NRXN1: variants seen among roughly 807,000 people sequenced by gnomAD.
NRXN1 encodes the protein neurexin 1.
A neutral mutation model predicts 150.9 loss-of-function variants in NRXN1; 39 were observed. The observed-to-expected ratio is 0.26, with a 90% CI of 0.20 to 0.34. NRXN1 has a LOEUF of 0.34. Ranked by LOEUF, NRXN1 falls within the 10% of genes least tolerant of loss-of-function variation. The pLI, the probability that NRXN1 is intolerant of heterozygous loss-of-function variation, is 1.00. For synonymous variants in NRXN1, 924 were observed against 757.0 expected (o/e 1.22, Z -3.62); for missense variants, 1,815 against 1,949.9 (o/e 0.93, Z 1.30).
intron 22 of NRXN1, among the ~76,000 whole-genome samples, chr2:49,939,282 A>G (rs1558542117): frequency 1.3e-5 from 2 of 152,254 alleles, no homozygotes; most frequent in East Asian, 3.9e-4. Context: ...AAAAATTATG[A>G]AAAAAATGTT....
chr2:50,402,936 A>C (rs961249481), intron 17 of NRXN1, among the ~76,000 whole-genome samples: 5 of 152,204 alleles, frequency 3.3e-5, no homozygotes, highest in South Asian at 2.1e-4. Context: ...AATTACACAC[A>C]GTAAAGTGTA....
At chr2:50,493,219 T>C (rs1007619222) in intron 15 of NRXN1, among the ~76,000 whole-genome samples, 4 of 152,192 alleles carry the variant, frequency 2.6e-5, no homozygotes, top group Non-Finnish European at 5.9e-5. Flanking sequence ...AATACTGCTG[T>C]CCATGTCTGA....
intron 5 of NRXN1, among the ~76,000 whole-genome samples, chr2:50,692,308 A>G (rs1692195559): frequency 6.6e-6 from 1 of 151,962 alleles, no homozygotes; most frequent in Admixed American, 6.6e-5. Context: ...TTCCTTTTTT[A>G]TTTTCTAGTG....
chr2:50,237,305 A>G (rs984379157), intron 17 of NRXN1, among the ~76,000 whole-genome samples: 10 of 152,062 alleles, frequency 6.6e-5, no homozygotes, highest in Non-Finnish European at 1.2e-4. Flanking sequence ...GTTTAGTAGA[A>G]AACATTGACT....
chr2:50,941,407 T>C (rs1013340136), intron 2 of NRXN1, among the ~76,000 whole-genome samples: 3 of 152,128 alleles, frequency 2.0e-5, no homozygotes, highest in African/African-American at 7.2e-5. Context: ...GACAGGAAGA[T>C]ATGGGAAAGT....
chr2:49,978,342 T>A (rs892966731), intron 21 of NRXN1, among the ~76,000 whole-genome samples: 1 of 152,128 alleles, frequency 6.6e-6, no homozygotes, highest in Non-Finnish European at 1.5e-5. Context: ...CACCACAGCT[T>A]GCATGGGAGA....
At chr2:50,017,532 T>C (rs978140163) in intron 21 of NRXN1, among the ~76,000 whole-genome samples, 1 of 152,168 alleles carries the variant, frequency 6.6e-6, no homozygotes, top group Non-Finnish European at 1.5e-5. Flanking sequence ...AATTAAAGTG[T>C]AATAGTGAAA....
chr2:50,582,889 C>T (rs953498949), intron 8 of NRXN1, among the ~76,000 whole-genome samples: 1 of 152,124 alleles, frequency 6.6e-6, no homozygotes, highest in African/African-American at 2.4e-5. Context: ...ACAGCTGTCA[C>T]TCACTTGCAA....
intron 2 of NRXN1, among the ~76,000 whole-genome samples, chr2:51,025,666 T>C (rs1558608459): frequency 6.6e-6 from 1 of 152,206 alleles, no homozygotes; most frequent in Non-Finnish European, 1.5e-5. Context: ...TTTGTTTCTA[T>C]TAATCAGTGC....
chr2:50,513,710 A>C (rs1275720111), intron 12 of NRXN1, among the ~76,000 whole-genome samples: 2 of 152,146 alleles, frequency 1.3e-5, no homozygotes, highest in African/African-American at 2.4e-5. Context: ...AATAAAACAA[A>C]GCTGAGACCC....
At chr2:50,408,430 C>T (rs1199249153) in intron 17 of NRXN1, among the ~76,000 whole-genome samples, 1 of 152,124 alleles carries the variant, frequency 6.6e-6, no homozygotes, top group Non-Finnish European at 1.5e-5. Context: ...CAGTGTTTTC[C>T]CAAGGCTGCA....
At chr2:50,730,322 C>T (rs1697932191) in intron 5 of NRXN1, among the ~76,000 whole-genome samples, 1 of 152,080 alleles carries the variant, frequency 6.6e-6, no homozygotes, top group African/African-American at 2.4e-5. Context: ...TCAATATTGT[C>T]AGATTCAACC....
intron 5 of NRXN1, among the ~76,000 whole-genome samples, chr2:50,886,695 T>A (rs574532998): frequency 6.6e-6 from 1 of 151,528 alleles, no homozygotes; most frequent in East Asian, 1.9e-4. Context: ...AATATGTCCA[T>A]CTGAGAAACA....
intron 18 of NRXN1, among the ~76,000 whole-genome samples, chr2:50,132,376 G>A (rs2152748636): frequency 6.7e-6 from 1 of 148,442 alleles, no homozygotes; most frequent in African/African-American, 2.5e-5. Flanking sequence ...CACAATCTTG[G>A]CTCACTGCAA....
Position 50,868,322 on chromosome 2 carries a change from CCT to C in NRXN1, c.832+53545_832+53546del, listed in dbSNP as rs796150315. On this transcript the variant is annotated intron_variant, in intron 5 of 22. Coordinates refer to ENST00000401669, the MANE Select transcript of NRXN1 (RefSeq NM_001330078.2). ...GAAAGTCAAATACTTCATGTTCTCACCTATAAGCGAAAGGTAAATAATGTGTA... is the reference window on the plus strand; with the variant it reads ...GAAAGTCAAATACTTCATGTTCTCACATAAGCGAAAGGTAAATAATGTGTA... Among the ~76,000 whole-genome samples the C allele has an allele frequency of 4.5e-4, 67 of 148,506 alleles. 1 individual carries two copies. Among genetic ancestry groups the C allele is most frequent in the East Asian group, 2.4e-3 (12 of 4,898 alleles).
At chr2:50,447,209 C>T (rs995469305) in intron 17 of NRXN1, among the ~76,000 whole-genome samples, 1 of 151,978 alleles carries the variant, frequency 6.6e-6, no homozygotes, top group Non-Finnish European at 1.5e-5. Flanking sequence ...CATGGTGGCT[C>T]ATGCCTGTAA....
chr2:50,364,744 A>G (rs1048394561), intron 17 of NRXN1, among the ~76,000 whole-genome samples: 3 of 152,140 alleles, frequency 2.0e-5, no homozygotes, highest in Non-Finnish European at 4.4e-5. Flanking sequence ...CTCTTTTGGC[A>G]GTAGCAACCA....
intron 2 of NRXN1, among the ~76,000 whole-genome samples, chr2:51,016,081 C>T (rs1033063607): frequency 3.9e-5 from 6 of 152,002 alleles, no homozygotes; most frequent in African/African-American, 1.4e-4. Flanking sequence ...CATCTACAAC[C>T]ATCTGATCTT....
At chr2:50,377,680 G>C (rs563226864) in intron 17 of NRXN1, among the ~76,000 whole-genome samples, 2 of 152,204 alleles carry the variant, frequency 1.3e-5, no homozygotes, top group South Asian at 4.1e-4. Context: ...GTTCTCACCA[G>C]TCCAGTTTGT....
Sources: gnomAD v4.1 joint callset for allele counts (sites outside exome capture counted in the v4.1 genomes callset) on GRCh38, gnomAD v4.1.1 for gene constraint, MANE v1.5 for transcripts, NCBI Gene and HGNC (gene_info 2026-07-23, HGNC 2026-07-21) for gene names.